The following GRIP1 variants were observed in gnomAD, a reference collection of about 807,000 sequenced individuals.
GRIP1 encodes the protein glutamate receptor-interacting protein 1.
GRIP1 carries 45 observed loss-of-function variants against 129.9 expected under a neutral mutation model. The ratio of observed to expected loss-of-function variants is 0.35; its 90% confidence interval spans 0.27 to 0.44. The LOEUF (loss-of-function observed/expected upper bound fraction) is 0.44, where lower values mean the gene tolerates loss of function less well. Among genes scored for constraint, GRIP1 ranks in the 20% least tolerant of loss-of-function variants. The pLI is 1.00. For synonymous variants in GRIP1, 530 were observed against 520.8 expected (o/e 1.02, Z -0.24); for missense variants, 1,196 against 1,396.8 (o/e 0.86, Z 2.29).
intron 1 of GRIP1, among the ~76,000 whole-genome samples, chr12:66,728,713 T>C (rs2036334301): frequency 6.6e-6 from 1 of 152,182 alleles, no homozygotes; most frequent in African/African-American, 2.4e-5. Flanking sequence ...GTGTAACCTA[T>C]AGGCAAGCAG....
At chr12:66,498,229 G>T (rs1376352574) in intron 7 of GRIP1, among the ~76,000 whole-genome samples, 1 of 152,214 alleles carries the variant, frequency 6.6e-6, no homozygotes, top group African/African-American at 2.4e-5. Flanking sequence ...GCGCATGAAA[G>T]TGTAAGGCTT....
chr12:66,348,754 G>C lies in GRIP1; in HGVS notation c.*265C>G. The C allele has an allele frequency of 2.1e-6, 1 of 471,094 alleles. No homozygotes were observed. Among genetic ancestry groups the C allele is most frequent in the East Asian group, 3.5e-5 (1 of 28,590 alleles). 29.2% of individuals were successfully genotyped at this position (471,094 alleles called of 1,614,324 possible). A position where few individuals can be genotyped will look rare whatever the true frequency, so the allele number is the denominator to read the frequency against. ...AAAATTTCCTCTGATGTTAATTGTAGAGTTGTGGGGGACGGCCTATTTTTC... is the reference window on the plus strand; with the variant it reads ...AAAATTTCCTCTGATGTTAATTGTACAGTTGTGGGGGACGGCCTATTTTTC... On this transcript the variant is annotated 3_prime_UTR_variant, in exon 25 of 25. Transcript: ENST00000359742.
At chr12:66,548,323 T>C (rs571796803) in intron 2 of GRIP1, among the ~76,000 whole-genome samples, 6 of 152,292 alleles carry the variant, frequency 3.9e-5, no homozygotes, top group African/African-American at 9.6e-5. Flanking sequence ...ACTGAGAAAG[T>C]TTAGAAACTT....
intron 11 of GRIP1, among the ~76,000 whole-genome samples, chr12:66,450,176 C>A (rs570038188): frequency 1.3e-4 from 20 of 151,438 alleles, no homozygotes; most frequent in African/African-American, 4.1e-4. Flanking sequence ...TGGTGGCAGG[C>A]GCCTGTAGTC....
intron 1 of GRIP1, among the ~76,000 whole-genome samples, chr12:66,830,368 A>G (rs1447292444): frequency 6.6e-6 from 1 of 152,176 alleles, no homozygotes; most frequent in Non-Finnish European, 1.5e-5. Flanking sequence ...TGAGGGAGGT[A>G]AGAAGGTGAA....
chr12:67,008,077 A>T (rs1204076130), intron 1 of GRIP1, among the ~76,000 whole-genome samples: 1 of 152,234 alleles, frequency 6.6e-6, no homozygotes, highest in Non-Finnish European at 1.5e-5. Flanking sequence ...AGCTTCTATG[A>T]CATAGGATAA....
At chr12:66,712,597 G>A (rs990336027) in intron 1 of GRIP1, among the ~76,000 whole-genome samples, 12 of 151,932 alleles carry the variant, frequency 7.9e-5, no homozygotes, top group African/African-American at 2.9e-4. Flanking sequence ...AGCAAACGGA[G>A]AATATGCAGA....
intron 1 of GRIP1, among the ~76,000 whole-genome samples, chr12:66,831,270 G>A (rs1419162133): frequency 6.6e-6 from 1 of 152,192 alleles, no homozygotes; most frequent in African/African-American, 2.4e-5. Context: ...TCTACAAGGT[G>A]ACACTAGGCT....
intron 1 of GRIP1, among the ~76,000 whole-genome samples, chr12:66,966,411 G>A (rs1395636141): frequency 3.3e-5 from 5 of 152,060 alleles, no homozygotes; most frequent in Non-Finnish European, 7.4e-5. Context: ...AACCCAGAGA[G>A]TTTCCCCTAT....
At chr12:66,394,024 A>G (rs2056696718) in intron 17 of GRIP1, among the ~76,000 whole-genome samples, 184 bp downstream of exon 17, 1 of 152,198 alleles carries the variant, frequency 6.6e-6, no homozygotes, top group Non-Finnish European at 1.5e-5. Flanking sequence ...TACTGCCTGT[A>G]AGATGCCCCT....
At chr12:66,905,793 G>A (rs1177784655) in intron 1 of GRIP1, among the ~76,000 whole-genome samples, 1 of 152,114 alleles carries the variant, frequency 6.6e-6, no homozygotes, top group African/African-American at 2.4e-5. Context: ...GATTTTACAA[G>A]AGTTTCTCAG....
At chr12:67,003,534 A>G (rs1349580031) in intron 1 of GRIP1, among the ~76,000 whole-genome samples, 1 of 151,990 alleles carries the variant, frequency 6.6e-6, no homozygotes, top group African/African-American at 2.4e-5. Flanking sequence ...TCTACTAAAA[A>G]TACAAAAAAT....
chr12:66,499,960 A>T (rs2060345467), intron 7 of GRIP1, among the ~76,000 whole-genome samples: 1 of 152,120 alleles, frequency 6.6e-6, no homozygotes. Context: ...CTGTGAACCT[A>T]CCACCTCACA....
intron 1 of GRIP1, among the ~76,000 whole-genome samples, chr12:66,652,134 T>C (rs1222794285): frequency 6.6e-6 from 1 of 152,230 alleles, no homozygotes; most frequent in Non-Finnish European, 1.5e-5. Flanking sequence ...AGTCCTATAG[T>C]AGCAGCTATG....
chr12:66,634,422 A>C (rs2031153005), intron 1 of GRIP1, among the ~76,000 whole-genome samples: 2 of 152,152 alleles, frequency 1.3e-5, no homozygotes, highest in South Asian at 4.1e-4. Context: ...CTTTCTCTGC[A>C]GAGTCATCTT....
intron 1 of GRIP1, among the ~76,000 whole-genome samples, chr12:66,854,095 C>T (rs1735734510): frequency 6.6e-6 from 1 of 151,892 alleles, no homozygotes; most frequent in Non-Finnish European, 1.5e-5. Context: ...AATTGTTAAA[C>T]ACTAGGAATA....
upstream of GRIP1, among the ~76,000 whole-genome samples, chr12:66,804,356 G>C (rs575222023): frequency 6.6e-6 from 1 of 152,008 alleles, no homozygotes; most frequent in East Asian, 1.9e-4. Flanking sequence ...CATCGGAGGG[G>C]AAAGAAAATA....
intron 2 of GRIP1, among the ~76,000 whole-genome samples, chr12:66,565,626 T>C (rs1210238881): frequency 1.3e-5 from 2 of 152,228 alleles, no homozygotes; most frequent in Non-Finnish European, 2.9e-5. Context: ...TGGTTCCATA[T>C]GAACTTTAAA....
chr12:66,705,107 A>G (rs2035481591), intron 1 of GRIP1, among the ~76,000 whole-genome samples: 1 of 152,114 alleles, frequency 6.6e-6, no homozygotes, highest in Non-Finnish European at 1.5e-5. Flanking sequence ...AGTAAGAAGT[A>G]GGGCTGAAAT....
Sources: gnomAD v4.1 joint callset for allele counts (sites outside exome capture counted in the v4.1 genomes callset) on GRCh38, gnomAD v4.1.1 for gene constraint, MANE v1.5 for transcripts, NCBI Gene and HGNC (gene_info 2026-07-23, HGNC 2026-07-21) for gene names.